The following NTRK3 variants were observed in gnomAD, a reference collection of about 807,000 sequenced individuals.
The protein encoded by NTRK3 is NT-3 growth factor receptor.
A neutral mutation model predicts 91.7 loss-of-function variants in NTRK3; 24 were observed. That is an observed-to-expected ratio of 0.26 (90% CI 0.19 to 0.37). The LOEUF (loss-of-function observed/expected upper bound fraction) is 0.37. NTRK3 is among the 10% of genes least tolerant of loss of function. The pLI is 1.00. For synonymous variants in NTRK3, 483 were observed against 404.0 expected (o/e 1.20, Z -2.34); for missense variants, 880 against 1,068.9 (o/e 0.82, Z 2.46).
intron 3 of NTRK3, among the ~76,000 whole-genome samples, chr15:88,197,424 A>C (rs924229731): frequency 6.6e-6 from 1 of 152,170 alleles, no homozygotes; most frequent in African/African-American, 2.4e-5. Context: ...TACAAAGATG[A>C]CATCGATCAT....
chr15:88,072,994 C>A (rs1012834721), intron 13 of NTRK3: 8 of 202,794 alleles, frequency 3.9e-5, no homozygotes, highest in Admixed American at 1.2e-4. Flanking sequence ...GCCCATAGTT[C>A]CCATTTGACA....
intron 13 of NTRK3, among the ~76,000 whole-genome samples, chr15:88,088,379 T>C (rs1215234794): frequency 1.3e-5 from 2 of 152,220 alleles, no homozygotes; most frequent in African/African-American, 2.4e-5. Context: ...TTTTTGCTCA[T>C]CCTTTTGCCC....
At chr15:88,072,139 G>A (rs946188122) in intron 13 of NTRK3, among the ~76,000 whole-genome samples, 3 of 151,594 alleles carry the variant, frequency 2.0e-5, no homozygotes, top group Non-Finnish European at 4.4e-5. Flanking sequence ...CTGAGTAGCT[G>A]GGATTACAGG....
At chr15:88,168,445 T>C (rs750402570) in intron 5 of NTRK3, among the ~76,000 whole-genome samples, 4 of 152,270 alleles carry the variant, frequency 2.6e-5, no homozygotes, top group Middle Eastern at 3.2e-3. Flanking sequence ...ATTAATATTC[T>C]AAGTGGAGTT....
chr15:88,078,246 C>A (rs534312831), intron 13 of NTRK3, among the ~76,000 whole-genome samples: 18 of 152,278 alleles, frequency 1.2e-4, no homozygotes, highest in African/African-American at 4.1e-4. Flanking sequence ...GGTAGAGGTA[C>A]AGCAATACAG....
At chr15:87,860,829 C>G in exon 19 of NTRK3, 2 of 216,292 alleles carry the variant, frequency 9.2e-6, no homozygotes. Flanking sequence ...AGGAGTATTT[C>G]TAAGTCATAA....
rs1458182667 is a variant in NTRK3, at chr15:88,126,541, T to C, written c.1294-168A>G. Among the ~76,000 whole-genome samples the C allele has an allele frequency of 5.9e-5, 9 of 152,196 alleles. No individual in the cohort carries two copies. The South Asian group carries it at 1.7e-3, about 28-fold the overall frequency. On this transcript the variant is annotated intron_variant, in intron 12 of 18. Transcript: ENST00000394480. Reference sequence around the variant, plus strand: ...TTAGAAGAAGAAATATATGAGACCCTTAGAACATTTAAAAGTATATAAATT... The same window carrying C: ...TTAGAAGAAGAAATATATGAGACCCCTAGAACATTTAAAAGTATATAAATT...
At chr15:88,061,457 T>C (rs914793000) in intron 13 of NTRK3, among the ~76,000 whole-genome samples, 3 of 152,224 alleles carry the variant, frequency 2.0e-5, no homozygotes, top group Non-Finnish European at 4.4e-5. Context: ...AGCCCGTGGC[T>C]GCTAAGAGCA....
chr15:87,954,539 C>T (rs1388670362), intron 14 of NTRK3, among the ~76,000 whole-genome samples: 1 of 152,068 alleles, frequency 6.6e-6, no homozygotes, highest in Admixed American at 6.6e-5. Flanking sequence ...TTAGGAAATC[C>T]AAGTTATAAA....
chr15:88,094,910 T>C (rs1477115302), intron 13 of NTRK3, among the ~76,000 whole-genome samples: 7 of 152,358 alleles, frequency 4.6e-5, no homozygotes, highest in Admixed American at 6.5e-5. Flanking sequence ...CTGAATCTGA[T>C]TGGCCAAATG....
chr15:87,940,523 C>A (rs2142015039), intron 15 of NTRK3, 100 bp downstream of exon 15: 1 of 1,573,070 alleles, frequency 6.4e-7, no homozygotes, highest in Non-Finnish European at 8.7e-7. Flanking sequence ...CTGAGAAAGC[C>A]AATTGAGCAC....
intron 13 of NTRK3, chr15:88,073,029 G>A (rs1386746762): frequency 5.1e-6 from 1 of 194,538 alleles, no homozygotes; most frequent in Admixed American, 6.1e-5. Flanking sequence ...GGCTCAGGTA[G>A]CTTGAGGGTC....
exon 19 of NTRK3, chr15:87,872,959 A>C (rs895768493): frequency 1.3e-5 from 3 of 233,046 alleles, no homozygotes; most frequent in African/African-American, 6.6e-5. Context: ...TAGCAAAATC[A>C]GAAATTTTGC....
intron 14 of NTRK3, among the ~76,000 whole-genome samples, chr15:87,941,979 G>T (rs1391620041): frequency 2.0e-5 from 3 of 152,240 alleles, no homozygotes; most frequent in Non-Finnish European, 4.4e-5. Flanking sequence ...ACTTTGTCGA[G>T]AAATGAAAGC....
Position 88,176,362 on chromosome 15 carries a change from C to T in NTRK3, c.395+7056G>A, listed in dbSNP as rs1448562254. ...ATGTTGGTCAGAATGGTCTCGATCT[C>T]TTGACCTCATCATCCACCTGTCTCG... On this transcript the variant is annotated intron_variant, in intron 5 of 18. Coordinates refer to ENST00000394480, the Ensembl canonical transcript of NTRK3. 2.0e-5 allele frequency among the ~76,000 whole-genome samples: 3 copies of T among 152,140 alleles called. No homozygotes were observed. In the East Asian group the frequency reaches 5.8e-4, roughly 29 times the overall value.
intron 13 of NTRK3, among the ~76,000 whole-genome samples, chr15:88,112,978 C>A (rs1414611068): frequency 3.9e-5 from 6 of 152,162 alleles, no homozygotes; most frequent in Admixed American, 3.9e-4. Context: ...TTAGAGGGAC[C>A]TGTGTGTGCC....
chr15:88,151,965 G>A (rs2043419298), intron 5 of NTRK3, among the ~76,000 whole-genome samples: 2 of 152,128 alleles, frequency 1.3e-5, no homozygotes, highest in African/African-American at 2.4e-5. Context: ...AGTGTTTTCT[G>A]TTGTAATGTA....
chr15:87,863,765 A>T (rs2064586988), exon 19 of NTRK3: 1 of 230,084 alleles, frequency 4.3e-6, no homozygotes, highest in Admixed American at 5.7e-5. Flanking sequence ...ACAATAATTT[A>T]TATGGCTTGC....
At chr15:87,940,907 T>A (rs545641297) in intron 14 of NTRK3, among the ~76,000 whole-genome samples, 154 bp from the exon 15 acceptor site, 1 of 152,248 alleles carries the variant, frequency 6.6e-6, no homozygotes, top group African/African-American at 2.4e-5. Flanking sequence ...GCATAAAAAC[T>A]GACATCCCTC....
Sources: gnomAD v4.1 joint callset for allele counts (sites outside exome capture counted in the v4.1 genomes callset) on GRCh38, gnomAD v4.1.1 for gene constraint, MANE v1.5 for transcripts, NCBI Gene and HGNC (gene_info 2026-07-23, HGNC 2026-07-21) for gene names.